Variants in AMOTL1 observed in about 807,000 individuals in gnomAD.
The protein encoded by AMOTL1 is angiomotin like 1, also known as angiomotin-like protein 1.
In AMOTL1, 45 loss-of-function variants were observed where a neutral mutation model predicts 102.9. The observed-to-expected ratio is 0.44, with a 90% confidence interval of 0.34 to 0.56. AMOTL1 has a LOEUF of 0.56. AMOTL1 is among the 20% of genes least tolerant of loss of function. The pLI is 0.01. For synonymous variants in AMOTL1, 481 were observed against 484.7 expected (o/e 0.99, Z 0.10); for missense variants, 1,114 against 1,225.6 (o/e 0.91, Z 1.36).
upstream of AMOTL1, among the ~76,000 whole-genome samples, chr11:94,766,033 T>G (rs187560287): frequency 8.6e-4 from 131 of 152,354 alleles, no homozygotes; most frequent in Non-Finnish European, 1.4e-3. Flanking sequence ...CAAGATCTAT[T>G]CTTCCTATGA....
At chr11:94,766,728 T>A (rs905981828), upstream of AMOTL1, among the ~76,000 whole-genome samples, 3 of 152,226 alleles carry the variant, frequency 2.0e-5, no homozygotes, top group African/African-American at 7.2e-5. Context: ...AGGCAGAGGT[T>A]GTTTCTATAC....
intron 9 of AMOTL1, among the ~76,000 whole-genome samples, chr11:94,860,154 G>A (rs931950618): frequency 2.0e-5 from 3 of 152,102 alleles, no homozygotes; most frequent in East Asian, 1.9e-4. Flanking sequence ...TTAATGCTGC[G>A]TTTATATCAT....
intron 5 of AMOTL1, 93 bp from the exon 6 acceptor site, chr11:94,831,359 C>A: frequency 9.7e-7 from 1 of 1,034,616 alleles, no homozygotes; most frequent in Non-Finnish European, 1.4e-6. Context: ...GCATCTCTTC[C>A]TCCCCAGCTC....
intron 1 of AMOTL1, among the ~76,000 whole-genome samples, chr11:94,771,235 A>G (rs377202443): frequency 7.7e-5 from 2 of 25,870 alleles, no homozygotes; most frequent in East Asian, 1.9e-3. Context: ...AACCTTTTCT[A>G]TTTTCTTTTC....
At chr11:94,827,857 T>G (rs1951994631) in intron 4 of AMOTL1, among the ~76,000 whole-genome samples, 1 of 152,182 alleles carries the variant, frequency 6.6e-6, no homozygotes, top group Non-Finnish European at 1.5e-5. Context: ...CCTTTAAGTT[T>G]TTGGCTTCTA....
intron 1 of AMOTL1, among the ~76,000 whole-genome samples, chr11:94,707,487 T>C (rs1456871736): frequency 6.6e-6 from 1 of 152,042 alleles, no homozygotes; most frequent in Non-Finnish European, 1.5e-5. Context: ...CAAATGAAAA[T>C]GTTGAGAATT....
At chr11:94,737,308 C>T (rs183830874) in intron 2 of AMOTL1, among the ~76,000 whole-genome samples, 133 of 152,330 alleles carry the variant, frequency 8.7e-4, no homozygotes, top group African/African-American at 2.8e-3. Context: ...AGACAACGAA[C>T]ATTCCTCTAA....
intron 3 of AMOTL1, among the ~76,000 whole-genome samples, chr11:94,745,425 A>C (rs575866391): frequency 6.6e-6 from 1 of 152,314 alleles, no homozygotes; most frequent in Admixed American, 6.5e-5. Flanking sequence ...AGGTATGGTT[A>C]AAAGGTATTT....
intron 3 of AMOTL1, among the ~76,000 whole-genome samples, chr11:94,814,965 TG>T (rs1343904041): frequency 6.6e-6 from 1 of 152,230 alleles, no homozygotes; most frequent in Non-Finnish European, 1.5e-5. Flanking sequence ...ATGAGAAGCC[TG>T]GTAAATTTTT....
Position 94,854,029 on chromosome 11 carries a change from C to G in AMOTL1, c.1891C>G (p.Arg631Gly). Residue 631 changes from arginine (R) to glycine (G), a missense_variant, in exon 8 of 13, where the codon CGG (arginine) becomes GGG (glycine). Coordinates refer to ENST00000433060, the MANE Select transcript of AMOTL1 (RefSeq NM_130847.3). ...SACEKREQME[R>G]RLRTWLEREL... ...ATGTGAGAAGCGAGAACAGATGGAG[C>G]GGAGACTGCGGACTTGGCTGGAGAG... The G allele has an allele frequency of 3.2e-6, 5 of 1,565,420 alleles. No homozygotes were observed. Among genetic ancestry groups the G allele is most frequent in the Middle Eastern group, 3.3e-4 (2 of 6,008 alleles).
At chr11:94,850,726 G>C (rs2135710544) in intron 7 of AMOTL1, among the ~76,000 whole-genome samples, 1 of 152,362 alleles carries the variant, frequency 6.6e-6, no homozygotes, top group East Asian at 1.9e-4. Context: ...CAGGCAGCCA[G>C]GGGCCAGCTG....
intron 3 of AMOTL1, among the ~76,000 whole-genome samples, chr11:94,803,824 G>C (rs1951522307): frequency 2.0e-5 from 3 of 152,158 alleles, no homozygotes; most frequent in Admixed American, 2.0e-4. Flanking sequence ...AAACATTTGG[G>C]AACTAGAGAT....
At chr11:94,749,269 C>T (rs1392449455) in intron 3 of AMOTL1, among the ~76,000 whole-genome samples, 2 of 152,200 alleles carry the variant, frequency 1.3e-5, no homozygotes, top group African/African-American at 4.8e-5. Context: ...ACCCAAACAA[C>T]CTGGAGTTCT....
At chr11:94,781,314 C>G (rs774367078) in intron 1 of AMOTL1, among the ~76,000 whole-genome samples, 1 of 152,210 alleles carries the variant, frequency 6.6e-6, no homozygotes, top group South Asian at 2.1e-4. Flanking sequence ...CAAAGGGCCT[C>G]TTTCAGGTTT....
chr11:94,845,718 C>T (rs942966365), intron 6 of AMOTL1, among the ~76,000 whole-genome samples: 36 of 152,186 alleles, frequency 2.4e-4, no homozygotes, highest in African/African-American at 8.7e-4. Flanking sequence ...TCGGCCTGGC[C>T]ACACAGCCTG....
chr11:94,731,761 A>C (rs1950356937), intron 2 of AMOTL1, among the ~76,000 whole-genome samples: 1 of 152,162 alleles, frequency 6.6e-6, no homozygotes. Context: ...GCAGAGCTGG[A>C]ATTTAAACTG....
At chr11:94,776,179 C>T (rs1369588204) in intron 1 of AMOTL1, among the ~76,000 whole-genome samples, 1 of 152,200 alleles carries the variant, frequency 6.6e-6, no homozygotes, top group Non-Finnish European at 1.5e-5. Context: ...TTCATCTCTC[C>T]AGTGTTTGCA....
At chr11:94,788,567 A>G (rs183210677) in intron 1 of AMOTL1, among the ~76,000 whole-genome samples, 8 of 152,312 alleles carry the variant, frequency 5.3e-5, no homozygotes, top group African/African-American at 1.9e-4. Flanking sequence ...CCGTCAGTCA[A>G]CAGGTAGTAA....
At chr11:94,846,808 C>CT (rs964368220) in intron 6 of AMOTL1, among the ~76,000 whole-genome samples, 5 of 151,814 alleles carry the variant, frequency 3.3e-5, no homozygotes, top group Non-Finnish European at 5.9e-5. Context: ...GTTACTTACC[C>CT]TTTTTTTTAG....
Sources: gnomAD v4.1 joint callset for allele counts (sites outside exome capture counted in the v4.1 genomes callset) on GRCh38, gnomAD v4.1.1 for gene constraint, MANE v1.5 for transcripts, NCBI Gene and HGNC (gene_info 2026-07-23, HGNC 2026-07-21) for gene names.